DTD1: variants seen among roughly 807,000 people sequenced by gnomAD.
DTD1 encodes the protein D-aminoacyl-tRNA deacylase 1.
In DTD1, 13 loss-of-function variants were observed where a neutral mutation model predicts 25.6. The observed-to-expected ratio is 0.51, with a 90% CI of 0.33 to 0.81. The LOEUF is 0.81. DTD1 is among the 30% of genes least tolerant of loss of function. The pLI is 0.02. For missense variants in DTD1, 193 were observed against 266.4 expected (o/e 0.72, Z 1.92); for synonymous variants, 110 against 103.6 (o/e 1.06, Z -0.37).
chr20:18,613,464 G>A (rs1020193428), intron 3 of DTD1, among the ~76,000 whole-genome samples: 18 of 152,192 alleles, frequency 1.2e-4, no homozygotes, highest in African/African-American at 4.3e-4. Context: ...GAAGGCAGTA[G>A]GCACTTGTTT....
intron 4 of DTD1, among the ~76,000 whole-genome samples, chr20:18,676,392 G>GT (rs1027966751): frequency 5.3e-5 from 8 of 152,250 alleles, no homozygotes; most frequent in East Asian, 1.9e-4. Context: ...AGTTTGCCTT[G>GT]TTTTTTTAAA....
At chr20:18,640,606 T>C (rs1253832902) in intron 4 of DTD1, among the ~76,000 whole-genome samples, 1 of 151,870 alleles carries the variant, frequency 6.6e-6, no homozygotes. Context: ...ATGCAACTTT[T>C]ATTATCACCA....
At chr20:18,594,633 C>G (rs146000070) in intron 2 of DTD1, among the ~76,000 whole-genome samples, 1 of 152,096 alleles carries the variant, frequency 6.6e-6, no homozygotes, top group Non-Finnish European at 1.5e-5. Flanking sequence ...TAACCCTGCC[C>G]AACTGATTCT....
chr20:18,633,175 A>G (rs1410908010), intron 4 of DTD1, among the ~76,000 whole-genome samples: 1 of 152,158 alleles, frequency 6.6e-6, no homozygotes, highest in Non-Finnish European at 1.5e-5. Flanking sequence ...TCATTTGCCA[A>G]GGCCTAAGTG....
chr20:18,617,006 C>G (rs986328795), intron 3 of DTD1, among the ~76,000 whole-genome samples: 3 of 152,120 alleles, frequency 2.0e-5, no homozygotes, highest in Admixed American at 6.5e-5. Context: ...GGGCTCTTTC[C>G]CCCTCCTGTC....
At chr20:18,708,543 A>G (rs2122474070) in intron 4 of DTD1, among the ~76,000 whole-genome samples, 1 of 149,626 alleles carries the variant, frequency 6.7e-6, no homozygotes, top group East Asian at 2.0e-4. Flanking sequence ...TTTAGTAGAG[A>G]TGGGGTTTCA....
chr20:18,678,279 C>T (rs1322426136), intron 4 of DTD1, among the ~76,000 whole-genome samples: 3 of 152,240 alleles, frequency 2.0e-5, no homozygotes, highest in African/African-American at 7.2e-5. Flanking sequence ...TGCACCAGCT[C>T]AGCCCCTTAG....
intron 3 of DTD1, among the ~76,000 whole-genome samples, chr20:18,614,457 G>T (rs1328278107): frequency 6.6e-6 from 1 of 152,214 alleles, no homozygotes. Context: ...AGAGTTCACG[G>T]CCAGGTCCCC....
chr20:18,620,822 G>A lies in DTD1; in HGVS notation c.371-7305G>A, dbSNP rs149438607. Among the ~76,000 whole-genome samples the A allele has an allele frequency of 5.3e-3, 810 of 152,124 alleles. 9 individuals carry two copies. The highest frequency in any genetic ancestry group is 0.039 in the South Asian group (187 of 4,816). ...TGCCCAGGCTGGTCTGGAACTCCTGGGTTCAAGTGATCCTCCTGCCTCTCA... is the reference window on the plus strand; with the variant it reads ...TGCCCAGGCTGGTCTGGAACTCCTGAGTTCAAGTGATCCTCCTGCCTCTCA... On this transcript the variant is annotated intron_variant, in intron 3 of 5. Coordinates refer to ENST00000377452, the MANE Select transcript of DTD1 (RefSeq NM_080820.6).
intron 3 of DTD1, among the ~76,000 whole-genome samples, chr20:18,607,745 G>C (rs544790967): frequency 6.7e-6 from 1 of 150,116 alleles, no homozygotes; most frequent in Admixed American, 6.7e-5. Flanking sequence ...ATAGAGTCTC[G>C]CTTGGTCACT....
chr20:18,666,956 G>A (rs2060933636), intron 4 of DTD1, among the ~76,000 whole-genome samples: 1 of 152,174 alleles, frequency 6.6e-6, no homozygotes, highest in Non-Finnish European at 1.5e-5. Context: ...GGGCAGGGAA[G>A]AAGGCGCTGC....
chr20:18,663,452 C>A (rs995849064), intron 4 of DTD1, among the ~76,000 whole-genome samples: 1 of 152,036 alleles, frequency 6.6e-6, no homozygotes, highest in Admixed American at 6.6e-5. Context: ...TTTAATAGAT[C>A]AAATTACAGT....
At chr20:18,700,804 G>A (rs766768427) in intron 4 of DTD1, among the ~76,000 whole-genome samples, 14 of 152,200 alleles carry the variant, frequency 9.2e-5, no homozygotes, top group Non-Finnish European at 1.8e-4. Context: ...ACTTGAGGGT[G>A]TAGCAAAGGC....
Position 18,649,527 on chromosome 20 carries a change from T to C in DTD1, c.477+21294T>C, listed in dbSNP as rs568656207. 9.2e-5 allele frequency among the ~76,000 whole-genome samples: 14 copies of C among 151,748 alleles called. No individual in the cohort carries two copies. The South Asian group carries it at 1.9e-3, about 20-fold the overall frequency. Reference sequence around the variant, plus strand: ...CTAAGTTTTGTATTTTTAGTAGAGATGGGGTTTCACTGTGTTAGCCAGGAT... The same window carrying C: ...CTAAGTTTTGTATTTTTAGTAGAGACGGGGTTTCACTGTGTTAGCCAGGAT... On this transcript the variant is annotated intron_variant, in intron 4 of 5. Coordinates refer to ENST00000377452, the MANE Select transcript of DTD1 (RefSeq NM_080820.6).
chr20:18,617,018 T>A (rs1312695051), intron 3 of DTD1, among the ~76,000 whole-genome samples: 1 of 152,206 alleles, frequency 6.6e-6, no homozygotes, highest in African/African-American at 2.4e-5. Flanking sequence ...CCTCCTGTCC[T>A]TATTCTCCTT....
Position 18,593,778 on chromosome 20 carries a change from C to G in DTD1, c.91C>G (p.Leu31Val). Residue 31 changes from leucine (L) to valine (V), a missense_variant, in exon 2 of 6, where the codon CTG (leucine) becomes GTG (valine). Physicochemically the swap from Leu to Val is conservative, Grantham distance 32. Coordinates refer to ENST00000377452, the MANE Select transcript of DTD1 (RefSeq NM_080820.6). ...CATTGGAAGGGGCATATGTGTGTTG[C>G]TGGGTATTTCCCTGGAGGATACGCA... ...SAIGRGICVL[L>V]GISLEDTQKE... 2.5e-6 allele frequency: 4 copies of G among 1,613,980 alleles called. No homozygotes were observed. Among genetic ancestry groups the G allele is most frequent in the Non-Finnish European group, 2.5e-6 (3 of 1,179,930 alleles).
Position 18,713,030 on chromosome 20 carries a change from T to G in DTD1, c.478-31070T>G, listed in dbSNP as rs1276879682. On this transcript the variant is annotated intron_variant, in intron 4 of 5. Coordinates refer to ENST00000377452, the MANE Select transcript of DTD1 (RefSeq NM_080820.6). ...TCCTGGGTTTCCACTTTCCCAGCCT[T>G]CCTTCTTCCTTTGGCCTTGGCCAGA... 3.3e-5 allele frequency among the ~76,000 whole-genome samples: 5 copies of G among 152,390 alleles called. No individual in the cohort carries two copies. In the East Asian group the frequency reaches 9.6e-4, roughly 29 times the overall value.
chr20:18,722,802 G>A (rs1396012709), intron 4 of DTD1, among the ~76,000 whole-genome samples: 2 of 152,146 alleles, frequency 1.3e-5, no homozygotes, highest in Non-Finnish European at 2.9e-5. Context: ...TGGCAGGCTG[G>A]TGCTTTGGAA....
chr20:18,652,015 G>A (rs2060876061), intron 4 of DTD1, among the ~76,000 whole-genome samples: 1 of 152,200 alleles, frequency 6.6e-6, no homozygotes, highest in African/African-American at 2.4e-5. Flanking sequence ...GGCAGTTCAA[G>A]CAGGCCAGCA....
Sources: gnomAD v4.1 joint callset for allele counts (sites outside exome capture counted in the v4.1 genomes callset) on GRCh38, gnomAD v4.1.1 for gene constraint, MANE v1.5 for transcripts, NCBI Gene and HGNC (gene_info 2026-07-23, HGNC 2026-07-21) for gene names.